TBC1D21: variants seen among roughly 807,000 people sequenced by gnomAD.
TBC1D21 encodes the protein TBC1 domain family member 21.
TBC1D21 carries 38 observed loss-of-function variants against 46.0 expected under a neutral mutation model. The ratio of observed to expected loss-of-function variants is 0.83; its 90% CI spans 0.64 to 1.08. The LOEUF (loss-of-function observed/expected upper bound fraction) is 1.08. Among genes scored for constraint, TBC1D21 ranks in the 50% least tolerant of loss-of-function variants. The probability of loss-of-function intolerance (pLI) is 0.00; values close to 1 mark genes in which losing one functional copy is unlikely to be tolerated. For synonymous variants in TBC1D21, 151 were observed against 157.2 expected (o/e 0.96, Z 0.29); for missense variants, 415 against 417.9 (o/e 0.99, Z 0.06).
intron 1 of TBC1D21, among the ~76,000 whole-genome samples, chr15:73,879,746 A>G (rs1350831259): frequency 6.6e-6 from 1 of 152,036 alleles, no homozygotes; most frequent in East Asian, 1.9e-4. Flanking sequence ...TTACATGTCT[A>G]CTCAGCTCTG....
chr15:73,884,704 G>T, intron 4 of TBC1D21, 77 bp from the exon 5 acceptor site: 3 of 1,021,080 alleles, frequency 2.9e-6, no homozygotes, highest in Non-Finnish European at 4.5e-6. Flanking sequence ...TGCCCATTGG[G>T]GTAGGGGAAG....
chr15:73,895,778 G>A, the TBC1D21 span, among the ~76,000 whole-genome samples: 1 of 152,312 alleles, frequency 6.6e-6, no homozygotes, highest in Non-Finnish European at 1.5e-5. Context: ...CCTGAGGAAG[G>A]GTCAGCTCTC....
chr15:73,882,991 G>T (rs1301115263), intron 3 of TBC1D21, among the ~76,000 whole-genome samples: 1 of 152,212 alleles, frequency 6.6e-6, no homozygotes. Context: ...TCCTGACCTT[G>T]CCTGTCCATG....
the TBC1D21 span, among the ~76,000 whole-genome samples, chr15:73,898,878 A>AT: frequency 2.3e-3 from 141 of 61,310 alleles, 2 homozygotes; most frequent in South Asian, 6.4e-3. Context: ...AAAAAAAAAA[A>AT]AAATATATAT....
chr15:73,903,658 G>T, the TBC1D21 span, among the ~76,000 whole-genome samples: 2 of 152,154 alleles, frequency 1.3e-5, no homozygotes, highest in East Asian at 1.9e-4. Flanking sequence ...TCTCCTCAAT[G>T]CCAATAAGAA....
chr15:73,900,866 G>T, the TBC1D21 span, among the ~76,000 whole-genome samples: 13 of 152,308 alleles, frequency 8.5e-5, no homozygotes, highest in South Asian at 8.3e-4. Flanking sequence ...AGTTCTTCAA[G>T]TATCAGTCTG....
intron 1 of TBC1D21, among the ~76,000 whole-genome samples, chr15:73,875,778 C>G (rs749779770): frequency 3.3e-5 from 5 of 152,190 alleles, no homozygotes; most frequent in Admixed American, 1.3e-4. Flanking sequence ...TATCCAGCCC[C>G]CTCGCAAACT....
rs117454766 is a variant in TBC1D21 at position 73,883,344 on chromosome 15, C to T, written c.273-807C>T. On this transcript the variant is annotated intron_variant, in intron 3 of 10. Coordinates refer to ENST00000300504, the MANE Select transcript of TBC1D21 (RefSeq NM_153356.3). ...CAAGTACCACAAACTGGGTGGCTTC[C>T]GACAACAGAAACCTGTCTTCTCGCA... Among the ~76,000 whole-genome samples the T allele has an allele frequency of 2.0e-4, 30 of 152,314 alleles. No homozygotes were observed. In the East Asian group the frequency reaches 4.6e-3, roughly 24 times the overall value.
rs761069663 is a variant in TBC1D21, at chr15:73,887,607, T to C, written c.778-13T>C. On this transcript the variant is annotated splice_polypyrimidine_tract_variant and intron_variant, in intron 8 of 10. Coordinates refer to ENST00000300504, the MANE Select transcript of TBC1D21 (RefSeq NM_153356.3). ...AGACCACAGGGCCCAGACTGAGACGTCCTGACCCACAGGTTCTGCTGACGG... is the reference window on the plus strand; with the variant it reads ...AGACCACAGGGCCCAGACTGAGACGCCCTGACCCACAGGTTCTGCTGACGG... The C allele has an allele frequency of 1.2e-6, 2 of 1,612,840 alleles. No individual in the cohort carries two copies. The highest frequency in any genetic ancestry group is 1.7e-6 in the Non-Finnish European group (2 of 1,179,140).
chr15:73,901,074 C>A, the TBC1D21 span, among the ~76,000 whole-genome samples: 1 of 152,180 alleles, frequency 6.6e-6, no homozygotes, highest in South Asian at 2.1e-4. Flanking sequence ...AACTACCAGG[C>A]CCACAGAGCA....
At chr15:73,903,179 C>A in the TBC1D21 span, among the ~76,000 whole-genome samples, 1 of 152,360 alleles carries the variant, frequency 6.6e-6, no homozygotes, top group South Asian at 2.1e-4. Context: ...CTGTGCTGCC[C>A]AGTCCACAGG....
chr15:73,875,805 G>A (rs1009418707), intron 1 of TBC1D21, among the ~76,000 whole-genome samples: 7 of 152,250 alleles, frequency 4.6e-5, no homozygotes, highest in Admixed American at 1.3e-4. Flanking sequence ...TTCCCCTCCC[G>A]GATTACCAGG....
intron 8 of TBC1D21, 28 bp from the exon 9 acceptor site, chr15:73,887,592 G>A: frequency 6.2e-7 from 1 of 1,600,168 alleles, no homozygotes; most frequent in Non-Finnish European, 8.6e-7. Flanking sequence ...AGACCACAGG[G>A]CCCAGACTGA....
At chr15:73,883,428 G>C (rs2068188416) in intron 3 of TBC1D21, among the ~76,000 whole-genome samples, 1 of 152,202 alleles carries the variant, frequency 6.6e-6, no homozygotes, top group African/African-American at 2.4e-5. Context: ...CTCTAGGGTA[G>C]AACCCTTCCT....
Position 73,884,150 on chromosome 15 carries a change from G to C in TBC1D21, c.273-1G>C, listed in dbSNP as rs1196690134. On this transcript the variant is annotated splice_acceptor_variant, in intron 3 of 10. Coordinates refer to ENST00000300504, the MANE Select transcript of TBC1D21 (RefSeq NM_153356.3). LOFTEE classifies it high-confidence loss of function. ...GTTCAGCCTCAGTTCTGTTCTCACA[G>C]GAAGAACTACAAGGCCTTATGCCAA... is the stretch of plus-strand genomic sequence containing the variant. The C allele has an allele frequency of 5.6e-6, 9 of 1,613,836 alleles. No homozygotes were observed. The highest frequency in any genetic ancestry group is 7.6e-6 in the Non-Finnish European group (9 of 1,179,806).
At position 73,884,732 on chromosome 15, in the gene TBC1D21, T is replaced by C. The variant is rs138988897; in HGVS notation, c.368-49T>C. On this transcript the variant is annotated intron_variant, in intron 4 of 10. Coordinates refer to ENST00000300504, the MANE Select transcript of TBC1D21 (RefSeq NM_153356.3). ...AGGGGAAGAAATTCACCCATAGACC[T>C]GCTGGATGTGATCTGGTGCCACCTA... 716 of 1,376,756 alleles carry C rather than the reference T, an allele frequency of 5.2e-4. 4 individuals are homozygous for C. The African/African-American group carries it at 9.2e-3, about 18-fold the overall frequency. The allele number at this position is 1,376,756 out of a possible 1,614,324, so 85.3% of individuals were successfully genotyped here.
At chr15:73,894,139 A>T (rs971949782), downstream of TBC1D21, among the ~76,000 whole-genome samples, 1 of 152,190 alleles carries the variant, frequency 6.6e-6, no homozygotes, top group Non-Finnish European at 1.5e-5. Flanking sequence ...GTGAATGCTG[A>T]TGGGCGAACC....
At chr15:73,881,082 C>T (rs918040069) in intron 1 of TBC1D21, among the ~76,000 whole-genome samples, 1 of 152,152 alleles carries the variant, frequency 6.6e-6, no homozygotes, top group Non-Finnish European at 1.5e-5. Context: ...GATTATTATT[C>T]ATTCCTTGTA....
At chr15:73,895,744 T>C in the TBC1D21 span, among the ~76,000 whole-genome samples, 2 of 152,204 alleles carry the variant, frequency 1.3e-5, no homozygotes, top group Non-Finnish European at 1.5e-5. Flanking sequence ...CATAGAGGAC[T>C]GAATTGTCTC....
Sources: gnomAD v4.1 joint callset for allele counts (sites outside exome capture counted in the v4.1 genomes callset) on GRCh38, gnomAD v4.1.1 for gene constraint, MANE v1.5 for transcripts, NCBI Gene and HGNC (gene_info 2026-07-23, HGNC 2026-07-21) for gene names.